The following GRID1 variants were observed in gnomAD, a reference collection of about 807,000 sequenced individuals.
GRID1 encodes the protein glutamate receptor ionotropic, delta-1.
In GRID1, 28 loss-of-function variants were observed where a neutral mutation model predicts 98.0. That is an observed-to-expected ratio of 0.29 (90% CI 0.21 to 0.39). The LOEUF (loss-of-function observed/expected upper bound fraction) is 0.39, where lower values mean the gene tolerates loss of function less well. Among genes scored for constraint, GRID1 ranks in the 10% least tolerant of loss-of-function variants. The pLI, the probability that GRID1 is intolerant of heterozygous loss-of-function variation, is 1.00. For missense variants in GRID1, 1,111 were observed against 1,340.5 expected (o/e 0.83, Z 2.67); for synonymous variants, 553 against 538.5 (o/e 1.03, Z -0.37).
At chr10:85,765,250 C>G (rs1484530093) in intron 8 of GRID1, among the ~76,000 whole-genome samples, 1 of 152,148 alleles carries the variant, frequency 6.6e-6, no homozygotes, top group Non-Finnish European at 1.5e-5. Context: ...TGTAAGTGAT[C>G]ATGATTACCC....
At chr10:86,138,645 A>G (rs1844963792) in intron 4 of GRID1, among the ~76,000 whole-genome samples, 174 bp downstream of exon 4, 1 of 152,244 alleles carries the variant, frequency 6.6e-6, no homozygotes, top group Admixed American at 6.5e-5. Flanking sequence ...TCAGGAGCCA[A>G]GTAGTGCTCA....
intron 4 of GRID1, among the ~76,000 whole-genome samples, chr10:85,964,522 CA>C (rs1382945493): frequency 1.1e-4 from 16 of 152,206 alleles, no homozygotes; most frequent in Non-Finnish European, 1.5e-4. Context: ...ACAAACCTGA[CA>C]AAAACAAGCA....
chr10:85,732,968 T>C (rs529264017), intron 8 of GRID1, among the ~76,000 whole-genome samples: 1 of 152,256 alleles, frequency 6.6e-6, no homozygotes, highest in South Asian at 2.1e-4. Flanking sequence ...ATGCCCTTTC[T>C]CCTCTTCTGG....
At chr10:86,220,848 C>T (rs1221732546) in intron 2 of GRID1, among the ~76,000 whole-genome samples, 2 of 152,214 alleles carry the variant, frequency 1.3e-5, no homozygotes, top group African/African-American at 4.8e-5. Context: ...AATGAGTCAG[C>T]CAGGTGTCGG....
At chr10:85,864,300 C>A (rs1843194045) in intron 6 of GRID1, among the ~76,000 whole-genome samples, 1 of 152,200 alleles carries the variant, frequency 6.6e-6, no homozygotes, top group South Asian at 2.1e-4. Context: ...GGCACCACAG[C>A]CAAGCCTCAG....
intron 10 of GRID1, among the ~76,000 whole-genome samples, chr10:85,727,142 A>G (rs1414250358): frequency 2.0e-5 from 3 of 152,188 alleles, no homozygotes; most frequent in African/African-American, 7.2e-5. Context: ...AGTGGAGTAC[A>G]GCAAAGGTCC....
intron 2 of GRID1, among the ~76,000 whole-genome samples, chr10:86,355,033 G>T (rs940826624): frequency 1.3e-5 from 2 of 152,214 alleles, no homozygotes; most frequent in Non-Finnish European, 2.9e-5. Context: ...AGGAGGACAA[G>T]TCTCCACCAC....
At chr10:85,617,162 C>T (rs1011152702) in intron 14 of GRID1, among the ~76,000 whole-genome samples, 3 of 152,130 alleles carry the variant, frequency 2.0e-5, no homozygotes, top group Admixed American at 1.3e-4. Context: ...GCTCTCAGGA[C>T]CTATCCCTTC....
chr10:86,346,179 G>A (rs1434991962), intron 2 of GRID1, among the ~76,000 whole-genome samples: 1 of 152,236 alleles, frequency 6.6e-6, no homozygotes, highest in South Asian at 2.1e-4. Flanking sequence ...GGTGTGGCCT[G>A]CCAGGGCAAC....
At chr10:85,746,925 C>G (rs891965506) in intron 8 of GRID1, among the ~76,000 whole-genome samples, 30 of 152,248 alleles carry the variant, frequency 2.0e-4, no homozygotes, top group Non-Finnish European at 4.3e-4. Flanking sequence ...TGCCTTTATG[C>G]TCATCTTAAA....
chr10:86,315,354 C>T (rs1036465301), intron 2 of GRID1, among the ~76,000 whole-genome samples: 1 of 152,172 alleles, frequency 6.6e-6, no homozygotes, highest in African/African-American at 2.4e-5. Flanking sequence ...TCCTGGACCC[C>T]AGGCAAGGAG....
chr10:86,045,453 G>A (rs188839972), intron 4 of GRID1, among the ~76,000 whole-genome samples: 4 of 152,296 alleles, frequency 2.6e-5, no homozygotes, highest in African/African-American at 9.6e-5. Flanking sequence ...GCGAGACTGC[G>A]ATTTTCCTTA....
At chr10:86,271,083 A>G (rs1295323276) in intron 2 of GRID1, among the ~76,000 whole-genome samples, 1 of 152,194 alleles carries the variant, frequency 6.6e-6, no homozygotes, top group Non-Finnish European at 1.5e-5. Flanking sequence ...AGAAACTCCC[A>G]CTCAAGTGTT....
intron 8 of GRID1, among the ~76,000 whole-genome samples, chr10:85,807,941 T>G (rs904826519): frequency 2.0e-5 from 3 of 152,178 alleles, no homozygotes; most frequent in Non-Finnish European, 4.4e-5. Context: ...TATAATAAAC[T>G]TTATTAACAT....
At chr10:85,905,341 A>T (rs1841445057) in intron 5 of GRID1, among the ~76,000 whole-genome samples, 1 of 152,014 alleles carries the variant, frequency 6.6e-6, no homozygotes, top group African/African-American at 2.4e-5. Context: ...AGCGGCAAGC[A>T]TTCACCACCA....
intron 4 of GRID1, among the ~76,000 whole-genome samples, chr10:85,940,087 A>AT (rs1293051296): frequency 4.4e-5 from 6 of 137,326 alleles, no homozygotes; most frequent in Non-Finnish European, 9.3e-5. Context: ...AAAAAAAAAA[A>AT]AGAGAGAGAG....
intron 10 of GRID1, among the ~76,000 whole-genome samples, chr10:85,726,821 T>C (rs936272097): frequency 1.3e-5 from 2 of 152,206 alleles, no homozygotes; most frequent in Non-Finnish European, 2.9e-5. Flanking sequence ...GACGGAAGTA[T>C]TCTAAAACCA....
At chr10:85,781,462 T>C (rs1286305481) in intron 8 of GRID1, among the ~76,000 whole-genome samples, 1 of 152,216 alleles carries the variant, frequency 6.6e-6, no homozygotes, top group Non-Finnish European at 1.5e-5. Flanking sequence ...ATGAATAATC[T>C]ACTTTTGTAA....
In GRID1 at chr10:86,091,641, C is replaced by T. The variant is rs1452677445; in HGVS notation, c.726+47178G>A. On this transcript the variant is annotated intron_variant, in intron 4 of 15. Transcript: ENST00000327946. Reference sequence around the variant, plus strand: ...CCTCTCCACAGTGCTACAGCTGATGCTTTCCAGAAAGCATCACCTCCTGGC... The same window carrying T: ...CCTCTCCACAGTGCTACAGCTGATGTTTTCCAGAAAGCATCACCTCCTGGC... Among the ~76,000 whole-genome samples the T allele has an allele frequency of 2.6e-5, 4 of 152,132 alleles. No homozygotes were observed. In the East Asian group the frequency reaches 7.7e-4, roughly 29 times the overall value.
Sources: gnomAD v4.1 joint callset for allele counts (sites outside exome capture counted in the v4.1 genomes callset) on GRCh38, gnomAD v4.1.1 for gene constraint, MANE v1.5 for transcripts, NCBI Gene and HGNC (gene_info 2026-07-23, HGNC 2026-07-21) for gene names.